The following MC2R variants were observed in gnomAD, a reference collection of about 807,000 sequenced individuals.
MC2R encodes adrenocorticotropic hormone receptor.
Under a neutral mutation model 9.8 loss-of-function variants are expected in MC2R, and 9 were observed. That is an observed-to-expected ratio of 0.92 (90% confidence interval 0.55 to 1.60). The LOEUF is 1.60. Among genes scored for constraint, MC2R ranks in the 40% most tolerant of loss-of-function variants. MC2R has a pLI of 0.00. For missense variants in MC2R, 370 were observed against 389.0 expected (o/e 0.95, Z 0.41); for synonymous variants, 185 against 154.7 (o/e 1.20, Z -1.45).
At chr18:13,898,510 C>A (rs2045359831) in intron 1 of MC2R, among the ~76,000 whole-genome samples, 1 of 152,198 alleles carries the variant, frequency 6.6e-6, no homozygotes, top group South Asian at 2.1e-4. Flanking sequence ...TTGTAGAGCC[C>A]CAGGGCCTTG....
chr18:13,891,298 A>G (rs1427680189), intron 1 of MC2R, among the ~76,000 whole-genome samples: 2 of 152,290 alleles, frequency 1.3e-5, no homozygotes, highest in East Asian at 3.9e-4. Context: ...ATTCCATTGT[A>G]TGGATGTATC....
In MC2R at chr18:13,885,229, C is replaced by T; in HGVS notation, c.290G>A (p.Ser97Asn). The T allele has an allele frequency of 6.2e-7, 1 of 1,614,186 alleles. No individual in the cohort carries two copies. Residue 97 changes from serine (S) to asparagine (N), a missense_variant, in exon 2 of 2, where the codon AGT becomes AAT. Transcript: ENST00000327606. ...GATGTCATCGGCTGTGGTTTCAAAA[C>T]TGCCACGTGGCTTGAGATAGCCCAT... The part of the protein sequence containing the change: ...RNMGYLKPRG[S>N]FETTADDIID...
At chr18:13,899,580 A>T (rs1269516314) in intron 1 of MC2R, among the ~76,000 whole-genome samples, 2 of 152,198 alleles carry the variant, frequency 1.3e-5, no homozygotes, top group Non-Finnish European at 2.9e-5. Context: ...TCATACTCTC[A>T]TAGATCAAGG....
intron 1 of MC2R, among the ~76,000 whole-genome samples, chr18:13,893,559 C>T (rs531253200): frequency 6.6e-6 from 1 of 152,296 alleles, no homozygotes; most frequent in African/African-American, 2.4e-5. Flanking sequence ...GAAAAAAAGT[C>T]TTTATATTAA....
At chr18:13,907,142 A>G (rs2045418664) in intron 1 of MC2R, among the ~76,000 whole-genome samples, 1 of 152,328 alleles carries the variant, frequency 6.6e-6, no homozygotes, top group East Asian at 1.9e-4. Context: ...ACGTAGTAAC[A>G]ACATCAGCAC....
At chr18:13,902,371 C>T (rs2045385387) in intron 1 of MC2R, among the ~76,000 whole-genome samples, 1 of 152,082 alleles carries the variant, frequency 6.6e-6, no homozygotes. Flanking sequence ...ACAAGAGACT[C>T]AGAATAGTCA....
At chr18:13,890,600 C>T (rs1347676694) in intron 1 of MC2R, among the ~76,000 whole-genome samples, 1 of 152,092 alleles carries the variant, frequency 6.6e-6, no homozygotes, top group Non-Finnish European at 1.5e-5. Flanking sequence ...TCTCCGCGTC[C>T]CAGCTTCTGT....
At chr18:13,909,121 G>A (rs1044774013) in intron 1 of MC2R, among the ~76,000 whole-genome samples, 2 of 151,726 alleles carry the variant, frequency 1.3e-5, no homozygotes, top group African/African-American at 2.4e-5. Flanking sequence ...GCTTCTCTTG[G>A]TTGTGACATT....
At chr18:13,893,659 TG>T (rs2045330011) in intron 1 of MC2R, among the ~76,000 whole-genome samples, 1 of 152,214 alleles carries the variant, frequency 6.6e-6, no homozygotes, top group Non-Finnish European at 1.5e-5. Flanking sequence ...TTAGTTACTT[TG>T]GGGTTTGTGT....
At chr18:13,907,372 C>G (rs1033941159) in intron 1 of MC2R, among the ~76,000 whole-genome samples, 1 of 152,146 alleles carries the variant, frequency 6.6e-6, no homozygotes, top group African/African-American at 2.4e-5. Flanking sequence ...AAAATCAAAT[C>G]AAGATGGATT....
In MC2R at chr18:13,885,027, G is replaced by A. The variant is rs778227410; in HGVS notation, c.492C>T (p.Thr164=). The change falls in exon 2 of 2, where the codon ACC becomes ACT. Residue 164 remains threonine, a synonymous_variant. Coordinates refer to ENST00000327606, the MANE Select transcript of MC2R (RefSeq NM_000529.2). ...GCACATGATGGGAGAAGATCACCAT[G>A]GTGATGCCAGTCCCCGTGCAGAACG... ...IWTFCTGTGI[T]MVIFSHHVPT... 22 of 1,614,048 alleles carry A rather than the reference G, an allele frequency of 1.4e-5. No individual in the cohort carries two copies. The highest frequency in any genetic ancestry group is 1.6e-5 in the Non-Finnish European group (19 of 1,180,044).
intron 1 of MC2R, among the ~76,000 whole-genome samples, chr18:13,889,470 C>T (rs77619637): frequency 0.022 from 3,394 of 152,286 alleles, 108 homozygotes; most frequent in African/African-American, 0.078. Context: ...GTAGTTATAA[C>T]TGTTCAAGGG....
intron 1 of MC2R, among the ~76,000 whole-genome samples, chr18:13,887,162 G>A (rs1372743755): frequency 2.0e-5 from 3 of 146,556 alleles, no homozygotes; most frequent in Non-Finnish European, 3.1e-5. Context: ...TGCTGGGGAA[G>A]CCTCGGGGAT....
At chr18:13,886,677 G>A (rs1339929088) in intron 1 of MC2R, among the ~76,000 whole-genome samples, 1 of 152,198 alleles carries the variant, frequency 6.6e-6, no homozygotes. Context: ...TGGAGCTCCT[G>A]GGACTGGCAT....
chr18:13,908,705 C>A (rs891913141), intron 1 of MC2R, among the ~76,000 whole-genome samples: 1 of 38,090 alleles, frequency 2.6e-5, no homozygotes, highest in African/African-American at 1.2e-4. Context: ...GCAGGAGCTT[C>A]TTGTGTGTGT....
intron 1 of MC2R, among the ~76,000 whole-genome samples, chr18:13,892,743 A>G (rs2045322928): frequency 6.6e-6 from 1 of 152,080 alleles, no homozygotes; most frequent in Non-Finnish European, 1.5e-5. Flanking sequence ...AAAAAAAGAG[A>G]GCTATTAACC....
At chr18:13,908,087 T>TAA (rs955001033) in intron 1 of MC2R, among the ~76,000 whole-genome samples, 2 of 152,220 alleles carry the variant, frequency 1.3e-5, no homozygotes, top group African/African-American at 4.8e-5. Flanking sequence ...CTACCATGTT[T>TAA]ATTGCAGCAT....
chr18:13,896,902 A>G (rs1334771485), intron 1 of MC2R, among the ~76,000 whole-genome samples: 4 of 152,266 alleles, frequency 2.6e-5, no homozygotes, highest in Non-Finnish European at 4.4e-5. Context: ...ATAGAATGCT[A>G]CATGACAATT....
intron 1 of MC2R, among the ~76,000 whole-genome samples, chr18:13,892,297 C>G (rs2045319683): frequency 6.6e-6 from 1 of 151,858 alleles, no homozygotes. Context: ...GTGACTTTTG[C>G]TAGAGATTAC....
Sources: gnomAD v4.1 joint callset for allele counts (sites outside exome capture counted in the v4.1 genomes callset) on GRCh38, gnomAD v4.1.1 for gene constraint, MANE v1.5 for transcripts, NCBI Gene and HGNC (gene_info 2026-07-23, HGNC 2026-07-21) for gene names.